GLT1D1: variants seen among roughly 807,000 people sequenced by gnomAD.
The protein encoded by GLT1D1 is glycosyltransferase 1 domain-containing protein 1.
GLT1D1 carries 21 observed loss-of-function variants against 28.7 expected under a neutral mutation model. That is an observed-to-expected ratio of 0.73 (90% confidence interval 0.52 to 1.05). The LOEUF is 1.05. GLT1D1 is among the 50% of genes least tolerant of loss of function. The pLI, the probability that GLT1D1 is intolerant of heterozygous loss-of-function variation, is 0.00. For missense variants in GLT1D1, 343 were observed against 330.6 expected, an observed-to-expected ratio of 1.04 and a Z score of -0.29; for synonymous variants, 147 against 124.8, an observed-to-expected ratio of 1.18 and a Z score of -1.19.
chr12:128,913,460 A>G (rs1025674881), intron 4 of GLT1D1, among the ~76,000 whole-genome samples: 6 of 152,128 alleles, frequency 3.9e-5, no homozygotes, highest in Non-Finnish European at 8.8e-5. Context: ...ACCTCAGGTG[A>G]TCTGTCCGCC....
rs1327980386 is a variant in GLT1D1 at position 128,899,521 on chromosome 12, ATGT to A, written c.375+248_375+250del. 3.4e-5 allele frequency among the ~76,000 whole-genome samples: 5 copies of A among 145,010 alleles called. No individual in the cohort carries two copies. The Admixed American group carries it at 3.5e-4, about 10-fold the overall frequency. On this transcript the variant is annotated intron_variant, in intron 4 of 7. Coordinates refer to ENST00000281703, the MANE Select transcript of GLT1D1 (RefSeq NM_144669.3). ...ACAAAAGTAGCCCAGTAATGGTTGT[ATGT>A]TGTTGTTGTTGTTTTGTTGCTGTTT... is the stretch of plus-strand genomic sequence containing the variant.
chr12:128,893,677 C>A (rs966976796), intron 3 of GLT1D1, among the ~76,000 whole-genome samples: 5 of 152,148 alleles, frequency 3.3e-5, no homozygotes, highest in Non-Finnish European at 7.3e-5. Flanking sequence ...CTTCCACCTC[C>A]TGGGTTCAGG....
chr12:128,915,755 A>T (rs924929416), intron 4 of GLT1D1, among the ~76,000 whole-genome samples: 25 of 152,238 alleles, frequency 1.6e-4, no homozygotes, highest in Admixed American at 1.6e-3. Context: ...AACAATTTAC[A>T]TGTAAATAAT....
chr12:128,909,684 G>A (rs1410280747), intron 4 of GLT1D1, among the ~76,000 whole-genome samples: 2 of 152,202 alleles, frequency 1.3e-5, no homozygotes, highest in Non-Finnish European at 2.9e-5. Flanking sequence ...TCAAAGAATG[G>A]GAAGTTCTTT....
chr12:128,897,769 C>T (rs1200647970), intron 3 of GLT1D1, among the ~76,000 whole-genome samples: 1 of 151,976 alleles, frequency 6.6e-6, no homozygotes, highest in Non-Finnish European at 1.5e-5. Context: ...CCCGGGTTCA[C>T]ACCATCCTCC....
chr12:128,874,841 C>T (rs1303213632), intron 1 of GLT1D1, among the ~76,000 whole-genome samples: 2 of 152,192 alleles, frequency 1.3e-5, no homozygotes, highest in East Asian at 1.9e-4. Context: ...TTTACGAATG[C>T]TCTTTATATA....
At chr12:128,915,594 A>C (rs960501576) in intron 4 of GLT1D1, among the ~76,000 whole-genome samples, 2 of 152,010 alleles carry the variant, frequency 1.3e-5, no homozygotes, top group African/African-American at 2.4e-5. Flanking sequence ...CGAACTCCTG[A>C]TCAGGTGATC....
chr12:128,874,332 C>G (rs1160953170), intron 1 of GLT1D1, among the ~76,000 whole-genome samples: 1 of 151,262 alleles, frequency 6.6e-6, no homozygotes, highest in South Asian at 2.1e-4. Flanking sequence ...CAGGCATGCA[C>G]CACCACACCT....
Position 128,973,892 on chromosome 12 carries a change from G to A in GLT1D1, c.640-9037G>A, listed in dbSNP as rs886590255. On this transcript the variant is annotated intron_variant, in intron 7 of 7. Transcript: ENST00000281703. Reference sequence around the variant, plus strand: ...GGTTTCCCGTGTGTGTGTGTAGGGGGTGTGTGTGTAGGGGGTGTGTGTAGG... The same window carrying A: ...GGTTTCCCGTGTGTGTGTGTAGGGGATGTGTGTGTAGGGGGTGTGTGTAGG... Among the ~76,000 whole-genome samples, 5 of 89,424 alleles carry A rather than the reference G, an allele frequency of 5.6e-5. No individual in the cohort carries two copies. The South Asian group carries it at 1.9e-3, about 34-fold the overall frequency. 58.7% of individuals were successfully genotyped at this position (89,424 alleles called of 152,430 possible).
Position 128,888,704 on chromosome 12 carries a change from G to GA in GLT1D1, c.290dup (p.Asn97LysfsTer9), listed in dbSNP as rs769605828. 13 of 1,613,458 alleles carry GA rather than the reference G, an allele frequency of 8.1e-6. No individual in the cohort carries two copies. Among genetic ancestry groups the GA allele is most frequent in the Admixed American group, 3.3e-5 (2 of 59,956 alleles). On this transcript the variant is annotated frameshift_variant, in exon 3 of 8. Coordinates refer to ENST00000281703, the MANE Select transcript of GLT1D1 (RefSeq NM_144669.3). LOFTEE classifies it high-confidence loss of function. Reference sequence around the variant, plus strand: ...TGTAAATGAAGATGCCAACCAGGCGGAAAAAAACACAGTCATGGGCAGAGT... The same window carrying GA: ...TGTAAATGAAGATGCCAACCAGGCGGAAAAAAAACACAGTCATGGGCAGAGT...
chr12:128,966,307 T>C (rs1209278342), intron 7 of GLT1D1, among the ~76,000 whole-genome samples: 3 of 152,108 alleles, frequency 2.0e-5, no homozygotes, highest in African/African-American at 7.2e-5. Context: ...TGGAAGAAAG[T>C]CCAAACTTTT....
intron 6 of GLT1D1, among the ~76,000 whole-genome samples, chr12:128,956,683 A>G (rs2135513485): frequency 6.6e-6 from 1 of 152,326 alleles, no homozygotes; most frequent in South Asian, 2.1e-4. Flanking sequence ...TTCTGCAGAG[A>G]TGAGCTTTCC....
intron 4 of GLT1D1, among the ~76,000 whole-genome samples, chr12:128,932,740 G>C (rs1874063917): frequency 6.6e-6 from 1 of 152,114 alleles, no homozygotes; most frequent in African/African-American, 2.4e-5. Flanking sequence ...CCGGTCTTCA[G>C]CCTCGGGGGG....
chr12:128,952,624 G>A (rs936401276), intron 6 of GLT1D1, among the ~76,000 whole-genome samples: 6 of 150,828 alleles, frequency 4.0e-5, no homozygotes, highest in Non-Finnish European at 7.4e-5. Flanking sequence ...GCGCCACCAC[G>A]CTTGGCTAAT....
intron 7 of GLT1D1, among the ~76,000 whole-genome samples, chr12:128,962,460 G>A (rs572546134): frequency 6.6e-6 from 1 of 152,324 alleles, no homozygotes; most frequent in East Asian, 1.9e-4. Flanking sequence ...GCAAACAGGT[G>A]TGGGCAAGGA....
intron 4 of GLT1D1, among the ~76,000 whole-genome samples, chr12:128,920,591 A>G (rs904427091): frequency 1.3e-5 from 2 of 152,064 alleles, no homozygotes; most frequent in African/African-American, 4.8e-5. Context: ...AATAATAAAG[A>G]CAGCTTCTAG....
intron 3 of GLT1D1, among the ~76,000 whole-genome samples, chr12:128,891,432 A>T (rs1869040731): frequency 1.3e-5 from 2 of 152,234 alleles, no homozygotes; most frequent in Admixed American, 6.5e-5. Context: ...TGGTCCAACA[A>T]GTACTGCCTA....
chr12:128,973,381 C>T (rs533760616), intron 7 of GLT1D1, among the ~76,000 whole-genome samples: 12 of 138,040 alleles, frequency 8.7e-5, no homozygotes, highest in East Asian at 2.1e-4. Context: ...TTTGTAGAGA[C>T]GGGGTTTCAC....
At chr12:128,861,614 C>T (rs1204840613) in intron 1 of GLT1D1, among the ~76,000 whole-genome samples, 4 of 152,062 alleles carry the variant, frequency 2.6e-5, no homozygotes, top group African/African-American at 7.2e-5. Flanking sequence ...CTTGGTGCAG[C>T]GGGGTGGTGA....
Sources: allele counts gnomAD v4.1 joint callset (sites outside exome capture counted in the v4.1 genomes callset), GRCh38; gene constraint gnomAD v4.1.1; transcripts MANE v1.5; gene names NCBI Gene and HGNC (gene_info 2026-07-23, HGNC 2026-07-21).